CDHR2: variants seen among roughly 807,000 people sequenced by gnomAD.
CDHR2 encodes the protein cadherin related family member 2, also known as cadherin-related family member 2.
Under a neutral mutation model 138.6 loss-of-function variants are expected in CDHR2, and 104 were observed. The observed-to-expected ratio is 0.75, with a 90% CI of 0.64 to 0.88. The LOEUF (loss-of-function observed/expected upper bound fraction) is 0.88. CDHR2 is among the 40% of genes least tolerant of loss of function. CDHR2 has a pLI of 0.00. For synonymous variants in CDHR2, 755 were observed against 742.8 expected, an observed-to-expected ratio of 1.02 and a Z score of -0.27; for missense variants, 1,624 against 1,727.6, an observed-to-expected ratio of 0.94 and a Z score of 1.06.
At chr5:176,562,604 G>A (rs1757990285) in intron 1 of CDHR2, among the ~76,000 whole-genome samples, 1 of 152,148 alleles carries the variant, frequency 6.6e-6, no homozygotes, top group South Asian at 2.1e-4. Flanking sequence ...AGGTGCCCAG[G>A]ACCAGGTGAG....
chr5:176,545,376 AG>A (rs1377144470), upstream of CDHR2, among the ~76,000 whole-genome samples: 1 of 152,112 alleles, frequency 6.6e-6, no homozygotes, highest in Non-Finnish European at 1.5e-5. Flanking sequence ...CCTGGCCTGA[AG>A]TGATCTGCCT....
intron 5 of CDHR2, among the ~76,000 whole-genome samples, chr5:176,570,676 G>T (rs1758203954): frequency 6.6e-6 from 1 of 152,204 alleles, no homozygotes; most frequent in South Asian, 2.1e-4. Context: ...TTAACTGCTG[G>T]CGTGGTGGTG....
At chr5:176,562,680 T>C (rs1402571867) in intron 1 of CDHR2, among the ~76,000 whole-genome samples, 1 of 152,136 alleles carries the variant, frequency 6.6e-6, no homozygotes. Context: ...GAGGGGACCA[T>C]GTGCAGGTGG....
At position 176,590,604 on chromosome 5, in the gene CDHR2, C is replaced by T; in HGVS notation, c.3456C>T (p.Leu1152=). Residue 1152 remains leucine (L), a synonymous_variant, in exon 28 of 32, where the codon CTC becomes CTT. Coordinates refer to ENST00000261944, the MANE Select transcript of CDHR2 (RefSeq NM_017675.6). ...AGGAGTCAGACCTGTCGAAACAGCT[C>T]ATCAGTGTCATCATAGGATTGGGAG... ...ESQESDLSKQ[L]ISVIIGLGVA... is the part of the protein sequence containing the mutation. 3 of 1,614,034 alleles carry T rather than the reference C, an allele frequency of 1.9e-6. No homozygotes were observed. Among genetic ancestry groups the T allele is most frequent in the Middle Eastern group, 1.7e-4 (1 of 6,002 alleles).
Position 176,589,037 on chromosome 5 carries a change from G to A in CDHR2, c.2863G>A (p.Asp955Asn), listed in dbSNP as rs1055519166. ...NREVASVRARDDDSGNNGVIL... is the reference protein window; with the variant it reads ...NREVASVRARNDDSGNNGVIL... ...TGTCCACTCTTGCTCCCAGGCCAGA[G>A]ACGATGATTCAGGGAACAATGGCGT... The change falls in exon 22 of 32, where the codon GAC becomes AAC. Residue 955 changes from aspartate to asparagine, a missense_variant. Physicochemically the swap from Asp to Asn is conservative, Grantham distance 23 (BLOSUM62 1). Transcript: ENST00000261944. 1 of 1,613,960 alleles carries A rather than the reference G, an allele frequency of 6.2e-7. No individual in the cohort carries two copies. Among genetic ancestry groups the A allele is most frequent in the Non-Finnish European group, 8.5e-7 (1 of 1,179,992 alleles).
chr5:176,576,173 C>T lies in CDHR2; in HGVS notation c.1182C>T (p.Tyr394=), dbSNP rs746565145. The T allele has an allele frequency of 1.3e-5, 21 of 1,611,682 alleles. No individual in the cohort carries two copies. The highest frequency in any genetic ancestry group is 2.7e-5 in the African/African-American group (2 of 74,900). Residue 394 remains tyrosine, a synonymous_variant, in exon 12 of 32, where the codon TAC becomes TAT. Coordinates refer to ENST00000261944, the MANE Select transcript of CDHR2 (RefSeq NM_017675.6). This position sits in a 1 kb window ranked among gnomAD's most constrained non-coding sequence, Gnocchi z 4.5. ...IPIDDLTMVV[Y]DPDKGSNGTF... is the part of the protein sequence containing the mutation. ...TCGATGACCTCACCATGGTGGTCTACGACCCGGACAAGGCAGGCGTGGTGG... is the reference window on the plus strand; with the variant it reads ...TCGATGACCTCACCATGGTGGTCTATGACCCGGACAAGGCAGGCGTGGTGG...
chr5:176,564,193 C>G (rs1324148286), intron 1 of CDHR2, among the ~76,000 whole-genome samples: 1 of 149,206 alleles, frequency 6.7e-6, no homozygotes, highest in Non-Finnish European at 1.5e-5. Context: ...TTTGGGGATT[C>G]TTTTTTTTTT....
intron 3 of CDHR2, chr5:176,567,111 A>G: frequency 2.3e-6 from 1 of 442,120 alleles, no homozygotes; most frequent in Non-Finnish European, 4.6e-6. Flanking sequence ...TCTGCTCCCT[A>G]AAGGCAAGTG....
intron 22 of CDHR2, 50 bp from the exon 23 acceptor site, chr5:176,589,280 A>G: frequency 6.3e-7 from 1 of 1,575,738 alleles, no homozygotes; most frequent in Non-Finnish European, 8.6e-7. Context: ...AAGGGTCCTG[A>G]GGATTCAGCT....
chr5:176,563,262 C>G (rs1450169692), intron 1 of CDHR2, among the ~76,000 whole-genome samples: 1 of 152,120 alleles, frequency 6.6e-6, no homozygotes, highest in East Asian at 1.9e-4. Context: ...GCAGGAGAAT[C>G]ACTTGAACAA....
intron 16 of CDHR2, among the ~76,000 whole-genome samples, 156 bp downstream of exon 16, chr5:176,578,764 T>C (rs896696088): frequency 6.6e-6 from 1 of 152,180 alleles, no homozygotes; most frequent in Non-Finnish European, 1.5e-5. Flanking sequence ...AAGAAAATTA[T>C]AGCCTTACTC....
intron 30 of CDHR2, among the ~76,000 whole-genome samples, chr5:176,592,425 G>A (rs1758903766): frequency 8.2e-6 from 1 of 122,070 alleles, no homozygotes; most frequent in South Asian, 2.5e-4. Context: ...TGAGGTGATG[G>A]TGATGGTGGT....
intron 1 of CDHR2, among the ~76,000 whole-genome samples, chr5:176,549,916 G>T (rs1408131758): frequency 1.3e-5 from 2 of 152,218 alleles, no homozygotes; most frequent in Admixed American, 6.5e-5. Context: ...AAGCCCTGAG[G>T]CAAAGGTGAG....
At position 176,565,418 on chromosome 5, in the gene CDHR2, C is replaced by G; in HGVS notation, c.52+14C>G. On this transcript the variant is annotated intron_variant, in intron 2 of 31. Coordinates refer to ENST00000261944, the MANE Select transcript of CDHR2 (RefSeq NM_017675.6). ...TCGTGGTGTCTGGTAGGTGTCTCCC[C>G]TCCCCAGCCACGCAGCCCTAACCTA... The G allele has an allele frequency of 6.2e-7, 1 of 1,613,196 alleles. No individual in the cohort carries two copies. The highest frequency in any genetic ancestry group is 8.5e-7 in the Non-Finnish European group (1 of 1,179,164).
At position 176,581,516 on chromosome 5, in the gene CDHR2, A is replaced by C. The variant is rs758901571; in HGVS notation, c.1992A>C (p.Thr664=). 11 of 1,614,170 alleles carry C rather than the reference A, an allele frequency of 6.8e-6. No individual in the cohort carries two copies. The South Asian group carries it at 1.2e-4, about 18-fold the overall frequency. The change falls in exon 17 of 32, where the codon ACA becomes ACC. Residue 664 remains threonine, a synonymous_variant. Coordinates refer to ENST00000261944, the MANE Select transcript of CDHR2 (RefSeq NM_017675.6). ...CCCTGGAGGGCCGCATTGTGCTGAC[A>C]GTGCTTGTGTCTGACTGCGGCGAGC... ...DPALEGRIVL[T]VLVSDCGEPV...
chr5:176,552,617 CACAG>C (rs530197513), intron 1 of CDHR2, among the ~76,000 whole-genome samples: 2 of 151,996 alleles, frequency 1.3e-5, no homozygotes, highest in South Asian at 2.1e-4. Flanking sequence ...CGCCAGCCCA[CACAG>C]ACACTGTGCT....
At chr5:176,580,387 G>A (rs1050359892) in intron 16 of CDHR2, among the ~76,000 whole-genome samples, 3 of 150,894 alleles carry the variant, frequency 2.0e-5, no homozygotes, top group African/African-American at 7.3e-5. Flanking sequence ...AAATTAGCTG[G>A]GTGTGGTGGT....
At chr5:176,563,568 C>T (rs6885827) in intron 1 of CDHR2, among the ~76,000 whole-genome samples, 49,358 of 151,996 alleles carry the variant, frequency 0.32, 8,354 homozygotes, top group African/African-American at 0.43. Flanking sequence ...CTGGCATGGC[C>T]TCAGGTCCTG....
rs1424576338 is a variant in CDHR2 at position 176,590,150 on chromosome 5, AG to A, written c.3275+5del. 6.2e-7 allele frequency: 1 copy of A among 1,612,602 alleles called. No individual in the cohort carries two copies. Among genetic ancestry groups the A allele is most frequent in the East Asian group, 2.2e-5 (1 of 44,870 alleles). ...AGGACATAGATTCTGCAGCTCGGTGAGTGCCCAGAGGCCTGGGGGTGGGGTT... is the reference window on the plus strand; with the variant it reads ...AGGACATAGATTCTGCAGCTCGGTGATGCCCAGAGGCCTGGGGGTGGGGTT... On this transcript the variant is annotated splice_donor_5th_base_variant and intron_variant, in intron 25 of 31. Transcript: ENST00000261944.
Sources: allele counts gnomAD v4.1 joint callset (sites outside exome capture counted in the v4.1 genomes callset), GRCh38; gene constraint gnomAD v4.1.1; non-coding constraint Gnocchi (gnomAD v3.1); transcripts MANE v1.5; gene names NCBI Gene and HGNC (gene_info 2026-07-23, HGNC 2026-07-21).